The following EHD1 variants were observed in gnomAD, a reference collection of about 807,000 sequenced individuals.
The protein encoded by EHD1 is EH domain containing 1.
EHD1 carries 19 observed loss-of-function variants against 39.0 expected under a neutral mutation model. That is an observed-to-expected ratio of 0.49 (90% CI 0.34 to 0.72). EHD1 has a LOEUF of 0.72. Ranked by LOEUF, EHD1 falls within the 30% of genes least tolerant of loss-of-function variation. The pLI is 0.01. For synonymous variants in EHD1, 323 were observed against 331.2 expected (o/e 0.98, Z 0.27); for missense variants, 542 against 751.5 (o/e 0.72, Z 3.26).
intron 2 of EHD1, among the ~76,000 whole-genome samples, chr11:64,871,705 G>C (rs977522387): frequency 6.6e-6 from 1 of 152,228 alleles, no homozygotes; most frequent in African/African-American, 2.4e-5. Flanking sequence ...ATAATGGGTA[G>C]AGATGACCTT....
chr11:64,869,868 A>T (rs1307099107), intron 2 of EHD1, among the ~76,000 whole-genome samples: 1 of 152,214 alleles, frequency 6.6e-6, no homozygotes, highest in Non-Finnish European at 1.5e-5. Flanking sequence ...AGGTGTCGGC[A>T]GGAAGTGGGG....
intron 3 of EHD1, 36 bp downstream of exon 3, chr11:64,859,888 C>T: frequency 5.7e-6 from 9 of 1,579,474 alleles, no homozygotes; most frequent in Non-Finnish European, 6.0e-6. Context: ...ATGGCCCTGC[C>T]TGGCAATAGG....
At chr11:64,879,316 G>A (rs1186336885), upstream of EHD1, among the ~76,000 whole-genome samples, 1 of 152,152 alleles carries the variant, frequency 6.6e-6, no homozygotes, top group Non-Finnish European at 1.5e-5. Flanking sequence ...ACGCAAGCGA[G>A]GGAGGACATG....
At chr11:64,858,190 C>CTT (rs10674960) in intron 3 of EHD1, among the ~76,000 whole-genome samples, 5 of 142,580 alleles carry the variant, frequency 3.5e-5, no homozygotes, top group Admixed American at 7.0e-5. Flanking sequence ...TATTTCTTTT[C>CTT]TTTTTTTTTG....
At chr11:64,873,549 C>G (rs1383563277) in intron 2 of EHD1, among the ~76,000 whole-genome samples, 1 of 152,182 alleles carries the variant, frequency 6.6e-6, no homozygotes. Context: ...ATAAGATTGG[C>G]TGTGGTCTCA....
At chr11:64,865,576 C>T (rs1262297737) in intron 2 of EHD1, among the ~76,000 whole-genome samples, 1 of 152,212 alleles carries the variant, frequency 6.6e-6, no homozygotes, top group East Asian at 1.9e-4. Flanking sequence ...AAAGGCCCAC[C>T]TGCAGAGGGA....
chr11:64,872,501 G>A (rs867472894), intron 2 of EHD1, among the ~76,000 whole-genome samples: 19 of 152,154 alleles, frequency 1.2e-4, no homozygotes, highest in Middle Eastern at 6.9e-3. Context: ...TTCTGACCTT[G>A]CTTTGGCAAA....
intron 1 of EHD1, among the ~76,000 whole-genome samples, chr11:64,875,433 C>T (rs372573231): frequency 6.6e-6 from 1 of 152,212 alleles, no homozygotes; most frequent in South Asian, 2.1e-4. Context: ...CGCCTGTAGT[C>T]CCAGCTACTC....
At chr11:64,878,770 C>T (rs1943921337), upstream of EHD1, 2 of 1,250,074 alleles carry the variant, frequency 1.6e-6, no homozygotes, top group East Asian at 3.4e-5. Flanking sequence ...TCTTCCCCTA[C>T]CCCGCCCCCA....
intron 2 of EHD1, among the ~76,000 whole-genome samples, chr11:64,867,585 G>A (rs1943781860): frequency 6.6e-6 from 1 of 152,110 alleles, no homozygotes; most frequent in Admixed American, 6.6e-5. Context: ...TGGGCGTGGT[G>A]GCAGGCGCCT....
chr11:64,878,726 C>G, upstream of EHD1: 1 of 1,327,856 alleles, frequency 7.5e-7, no homozygotes, highest in Non-Finnish European at 9.6e-7. Context: ...AGGGAGGAGC[C>G]CCTCCCAGCC....
At chr11:64,876,247 C>T (rs1161993509) in intron 1 of EHD1, among the ~76,000 whole-genome samples, 6 of 152,240 alleles carry the variant, frequency 3.9e-5, no homozygotes, top group Non-Finnish European at 7.3e-5. Flanking sequence ...AAGTTCACGA[C>T]TCAATGAGTC....
chr11:64,855,522 G>C, intron 3 of EHD1, 36 bp from the exon 4 acceptor site: 1 of 1,610,778 alleles, frequency 6.2e-7, no homozygotes, highest in Non-Finnish European at 8.5e-7. Context: ...CGCTCTCTTG[G>C]CCCAGGCTGC....
rs780459496 is a variant in EHD1, at chr11:64,878,496, C to A, written c.-32G>T. 1.9e-6 allele frequency: 3 copies of A among 1,564,888 alleles called. No homozygotes were observed. The highest frequency in any genetic ancestry group is 4.5e-5 in the East Asian group (2 of 44,200). On this transcript the variant is annotated 5_prime_UTR_variant, in exon 1 of 5. Transcript: ENST00000320631. ...GGACACGGGGCTGGCTGCTGCGGGG[C>A]AGAGCGGCGGCTGAGAGCGGGGCGA...
At chr11:64,869,269 C>A (rs1206252068) in intron 2 of EHD1, among the ~76,000 whole-genome samples, 2 of 152,364 alleles carry the variant, frequency 1.3e-5, no homozygotes, top group Admixed American at 1.3e-4. Context: ...GCCTGCACGC[C>A]CCCAGCAGAG....
chr11:64,857,764 G>C (rs1432753109), intron 3 of EHD1, among the ~76,000 whole-genome samples: 1 of 152,184 alleles, frequency 6.6e-6, no homozygotes, highest in South Asian at 2.1e-4. Context: ...GGGCTCCCCA[G>C]GAAGTGCCCA....
At chr11:64,874,395 C>A in intron 2 of EHD1, 26 bp downstream of exon 2, 1 of 1,567,284 alleles carries the variant, frequency 6.4e-7, no homozygotes, top group Admixed American at 1.9e-5. Context: ...ACACCAGCAG[C>A]CCGAGCTGTG....
intron 3 of EHD1, among the ~76,000 whole-genome samples, chr11:64,857,292 C>T (rs1474011831): frequency 3.3e-5 from 5 of 152,054 alleles, no homozygotes; most frequent in Admixed American, 6.5e-5. Context: ...GGTGTGGTGA[C>T]GGGCGCCTGC....
At chr11:64,877,447 C>T (rs1164116355) in intron 1 of EHD1, among the ~76,000 whole-genome samples, 1 of 152,182 alleles carries the variant, frequency 6.6e-6, no homozygotes, top group African/African-American at 2.4e-5. Context: ...CCCCTCAGGG[C>T]AGCACTGACC....
Sources: gnomAD v4.1 joint callset for allele counts (sites outside exome capture counted in the v4.1 genomes callset) on GRCh38, gnomAD v4.1.1 for gene constraint, MANE v1.5 for transcripts, NCBI Gene and HGNC (gene_info 2026-07-23, HGNC 2026-07-21) for gene names.